The following ATP6V1E1 variants were observed in gnomAD, a reference collection of about 807,000 sequenced individuals.
The protein encoded by ATP6V1E1 is ATPase H+ transporting V1 subunit E1.
ATP6V1E1 carries 21 observed loss-of-function variants against 35.2 expected under a neutral mutation model. The observed-to-expected ratio is 0.60, with a 90% CI of 0.42 to 0.86. The LOEUF (loss-of-function observed/expected upper bound fraction) is 0.86. Ranked by LOEUF, ATP6V1E1 falls within the 40% of genes least tolerant of loss-of-function variation. The pLI is 0.00. For missense variants in ATP6V1E1, 183 were observed against 272.6 expected, an observed-to-expected ratio of 0.67 and a Z score of 2.32; for synonymous variants, 83 against 87.8, an observed-to-expected ratio of 0.95 and a Z score of 0.30.
rs2057759139 is a variant in ATP6V1E1, at chr22:17,601,008, A to G, written c.366+84T>C. 6.1e-6 allele frequency: 7 copies of G among 1,143,658 alleles called. No homozygotes were observed. The East Asian group carries it at 1.5e-4, about 25-fold the overall frequency. 70.8% of individuals were successfully genotyped at this position (1,143,658 alleles called of 1,614,324 possible). A position where few individuals can be genotyped will look rare whatever the true frequency, so the allele number is the denominator to read the frequency against. ...AAAACTAGAGAAATGAGAAAGCAGGAAAAAATAGAGCTGGTCTCTAATAGG... is the reference window on the plus strand; with the variant it reads ...AAAACTAGAGAAATGAGAAAGCAGGGAAAAATAGAGCTGGTCTCTAATAGG... On this transcript the variant is annotated intron_variant, in intron 5 of 8. Coordinates refer to ENST00000253413, the MANE Select transcript of ATP6V1E1 (RefSeq NM_001696.4).
rs964745620 is a variant in ATP6V1E1, at chr22:17,612,887, C to T, written c.210-9G>A. 8 of 1,601,866 alleles carry T rather than the reference C, an allele frequency of 5.0e-6. No homozygotes were observed. The highest frequency in any genetic ancestry group is 1.7e-4 in the Middle Eastern group (1 of 6,030). ...TCAAATTGGACATCTGACTGCAAAA[C>T]GGTATTGAAAAATAGCATTAGTAAC... On this transcript the variant is annotated splice_polypyrimidine_tract_variant and intron_variant, in intron 3 of 8. Coordinates refer to ENST00000253413, the MANE Select transcript of ATP6V1E1 (RefSeq NM_001696.4).
intron 6 of ATP6V1E1, among the ~76,000 whole-genome samples, chr22:17,598,693 A>T (rs2057745907): frequency 6.6e-6 from 1 of 152,152 alleles, no homozygotes; most frequent in Non-Finnish European, 1.5e-5. Flanking sequence ...TGAGGGGGAG[A>T]CAGCAGGCAC....
Position 17,592,437 on chromosome 22 carries a change from C to A in ATP6V1E1, c.*237G>T, listed in dbSNP as rs1358498341. 4 of 524,212 alleles carry A rather than the reference C, an allele frequency of 7.6e-6. No individual in the cohort carries two copies. In the East Asian group the frequency reaches 1.3e-4, roughly 18 times the overall value. 32.5% of individuals were successfully genotyped at this position (524,212 alleles called of 1,614,324 possible). A position where few individuals can be genotyped will look rare whatever the true frequency, so the allele number is the denominator to read the frequency against. On this transcript the variant is annotated 3_prime_UTR_variant, in exon 9 of 9. Coordinates refer to ENST00000253413, the MANE Select transcript of ATP6V1E1 (RefSeq NM_001696.4). ...CCCTCCCCTAGTGCTGCAGAACCGG[C>A]TGGACACTGTCACACTTTCAGAAGA...
chr22:17,600,489 AG>A, intron 5 of ATP6V1E1, among the ~76,000 whole-genome samples: 1 of 152,136 alleles, frequency 6.6e-6, no homozygotes, highest in Non-Finnish European at 1.5e-5. Flanking sequence ...ATGCTTCTAC[AG>A]TTCTTTCATT....
At position 17,613,135 on chromosome 22, in the gene ATP6V1E1, T is replaced by C. The variant is rs3747025; in HGVS notation, c.209+76A>G. ...GGTCGAGTTAAGACCTGAATTTATA[T>C]ATGCCTGACTCCAAAGCGCCTGCTC... On this transcript the variant is annotated intron_variant, in intron 3 of 8. Coordinates refer to ENST00000253413, the MANE Select transcript of ATP6V1E1 (RefSeq NM_001696.4). 0.34 allele frequency: 422,841 copies of C among 1,257,872 alleles called. 73,213 individuals are homozygous for C. Among genetic ancestry groups the C allele is most frequent in the African/African-American group, 0.41 (27,089 of 66,452 alleles). The allele number at this position is 1,257,872 out of a possible 1,614,324, so 77.9% of individuals were successfully genotyped here.
At chr22:17,594,733 G>GC in intron 7 of ATP6V1E1, 117 bp from the exon 8 acceptor site, 1 of 774,942 alleles carries the variant, frequency 1.3e-6, no homozygotes, top group East Asian at 3.3e-5. Context: ...CGCAACCTAA[G>GC]CAACAGGCTT....
chr22:17,599,402 C>G (rs1762368791), intron 6 of ATP6V1E1, among the ~76,000 whole-genome samples: 1 of 151,400 alleles, frequency 6.6e-6, no homozygotes, highest in Non-Finnish European at 1.5e-5. Flanking sequence ...CGGTGAAACC[C>G]TGTCTCTACT....
At chr22:17,596,455 T>A (rs185650795) in intron 7 of ATP6V1E1, among the ~76,000 whole-genome samples, 13 of 151,232 alleles carry the variant, frequency 8.6e-5, no homozygotes, top group Admixed American at 2.0e-4. Context: ...TCTCTCGCCA[T>A]GTGGTCTCTA....
intron 1 of ATP6V1E1, among the ~76,000 whole-genome samples, chr22:17,626,541 A>ATT (rs750597664): frequency 2.3e-5 from 3 of 133,300 alleles, no homozygotes; most frequent in Non-Finnish European, 3.3e-5. Flanking sequence ...ACACCTGGCA[A>ATT]TTTTTTTTTT....
At chr22:17,614,145 G>GT (rs2057830031) in intron 2 of ATP6V1E1, among the ~76,000 whole-genome samples, 1 of 152,096 alleles carries the variant, frequency 6.6e-6, no homozygotes, top group Non-Finnish European at 1.5e-5. Flanking sequence ...AAGGTCAGGA[G>GT]TTTGAGATCG....
At chr22:17,599,953 A>C in intron 6 of ATP6V1E1, 74 bp downstream of exon 6, 2 of 1,094,998 alleles carry the variant, frequency 1.8e-6, no homozygotes, top group Non-Finnish European at 2.6e-6. Flanking sequence ...GGAAGGAAGG[A>C]AAAGAAAGAG....
chr22:17,607,046 C>T (rs1283920311), intron 4 of ATP6V1E1, among the ~76,000 whole-genome samples: 1 of 152,166 alleles, frequency 6.6e-6, no homozygotes, highest in Non-Finnish European at 1.5e-5. Flanking sequence ...TGTGTTGTCT[C>T]CACATAAGCT....
chr22:17,600,002 G>GA (rs1393801382), intron 6 of ATP6V1E1, 25 bp downstream of exon 6: 6 of 1,146,612 alleles, frequency 5.2e-6, no homozygotes, highest in East Asian at 3.7e-5. Flanking sequence ...GGGAGGGAGG[G>GA]AAAAAATTAT....
intron 3 of ATP6V1E1, 33 bp downstream of exon 3, chr22:17,613,178 C>T (rs565993607): frequency 6.3e-7 from 1 of 1,589,444 alleles, no homozygotes; most frequent in Non-Finnish European, 8.6e-7. Flanking sequence ...CAGAAAACTT[C>T]TTAGCTTAAT....
At chr22:17,613,886 G>A (rs975051883) in intron 2 of ATP6V1E1, among the ~76,000 whole-genome samples, 18 of 152,228 alleles carry the variant, frequency 1.2e-4, no homozygotes, top group African/African-American at 4.3e-4. Flanking sequence ...ACAATGGCGT[G>A]AACCCGGGAG....
intron 1 of ATP6V1E1, among the ~76,000 whole-genome samples, chr22:17,620,830 G>T (rs544849271): frequency 1.3e-5 from 2 of 152,180 alleles, no homozygotes; most frequent in Admixed American, 1.3e-4. Flanking sequence ...TTGGGAGGCC[G>T]AGGCGGGCGG....
intron 3 of ATP6V1E1, 109 bp downstream of exon 3, chr22:17,613,102 T>C: frequency 1.1e-6 from 1 of 926,534 alleles, no homozygotes; most frequent in Non-Finnish European, 1.7e-6. Context: ...GTCAGATTAG[T>C]AGTAGGTGGT....
chr22:17,616,483 A>G (rs2057845317), intron 2 of ATP6V1E1, among the ~76,000 whole-genome samples: 1 of 152,062 alleles, frequency 6.6e-6, no homozygotes, highest in African/African-American at 2.4e-5. Flanking sequence ...GTTCAAGACC[A>G]GCCTGGGCAA....
Position 17,627,978 on chromosome 22 carries a change from GGTTT to G in ATP6V1E1, c.33+621_33+624del, listed in dbSNP as rs1170252835. 1.8e-4 allele frequency among the ~76,000 whole-genome samples: 27 copies of G among 147,612 alleles called. No homozygotes were observed. The East Asian group carries it at 3.7e-3, about 20-fold the overall frequency. On this transcript the variant is annotated intron_variant, in intron 1 of 8. Transcript: ENST00000253413. ...TAAAAAAAAAAAAAGTGACAAGGCT[GGTTT>G]GTTTTTTTTTTTTCTTTTTCCAGAG...
Sources: gnomAD v4.1 joint callset for allele counts (sites outside exome capture counted in the v4.1 genomes callset) on GRCh38, gnomAD v4.1.1 for gene constraint, MANE v1.5 for transcripts, NCBI Gene and HGNC (gene_info 2026-07-23, HGNC 2026-07-21) for gene names.